Variants in UVRAG observed in about 807,000 individuals in gnomAD.
UVRAG encodes UV radiation resistance associated, also known as UV radiation resistance-associated gene protein.
A neutral mutation model predicts 78.0 loss-of-function variants in UVRAG; 19 were observed. The ratio of observed to expected loss-of-function variants is 0.24; its 90% CI spans 0.17 to 0.36. UVRAG has a LOEUF of 0.36. Ranked by LOEUF, UVRAG falls within the 10% of genes least tolerant of loss-of-function variation. The pLI is 1.00. For synonymous variants in UVRAG, 323 were observed against 324.6 expected, an observed-to-expected ratio of 1.00 and a Z score of 0.05; for missense variants, 740 against 853.8, an observed-to-expected ratio of 0.87 and a Z score of 1.66.
intron 14 of UVRAG, among the ~76,000 whole-genome samples, chr11:76,132,119 A>G (rs1051099516): frequency 6.6e-5 from 10 of 152,204 alleles, no homozygotes; most frequent in Non-Finnish European, 1.3e-4. Flanking sequence ...TAAGAAGGTG[A>G]GAAACTATTA....
intron 8 of UVRAG, among the ~76,000 whole-genome samples, chr11:76,001,046 G>T (rs964913861): frequency 1.3e-5 from 2 of 152,150 alleles, no homozygotes; most frequent in African/African-American, 4.8e-5. Context: ...AGCAGAATCT[G>T]CATTTCTTTC....
intron 6 of UVRAG, among the ~76,000 whole-genome samples, chr11:75,927,432 T>C (rs571543247): frequency 6.7e-4 from 102 of 152,292 alleles, no homozygotes; most frequent in African/African-American, 2.4e-3. Flanking sequence ...TAGAATATAA[T>C]GATAGCTATG....
intron 6 of UVRAG, 37 bp downstream of exon 6, chr11:75,912,076 ATCTT>A: frequency 2.8e-6 from 4 of 1,421,544 alleles, no homozygotes; most frequent in Non-Finnish European, 4.0e-6. Context: ...ATTCTAAAGA[ATCTT>A]TCTCATTTTG....
intron 14 of UVRAG, among the ~76,000 whole-genome samples, chr11:76,127,766 G>C (rs1232005713): frequency 6.6e-6 from 1 of 152,144 alleles, no homozygotes; most frequent in Admixed American, 6.5e-5. Context: ...AGACCAGCCT[G>C]ACCAACATGG....
chr11:75,892,567 C>T (rs1229370072), intron 5 of UVRAG, among the ~76,000 whole-genome samples: 2 of 152,108 alleles, frequency 1.3e-5, no homozygotes, highest in Admixed American at 1.3e-4. Context: ...TACGCAGCTC[C>T]CTGAGTAGCA....
chr11:75,857,488 T>TC (rs370170667), intron 2 of UVRAG, among the ~76,000 whole-genome samples: 170 of 148,604 alleles, frequency 1.1e-3, no homozygotes, highest in East Asian at 3.0e-3. Context: ...TCTTTCTTTT[T>TC]CCCCCCCCCT....
At chr11:75,840,045 C>T (rs11236555) in intron 1 of UVRAG, among the ~76,000 whole-genome samples, 29,199 of 151,944 alleles carry the variant, frequency 0.19, 4,302 homozygotes, top group African/African-American at 0.41. Flanking sequence ...TATTACTCAA[C>T]ATCTGGACCT....
At chr11:75,897,537 A>T (rs1947368281) in intron 5 of UVRAG, among the ~76,000 whole-genome samples, 1 of 152,024 alleles carries the variant, frequency 6.6e-6, no homozygotes, top group Non-Finnish European at 1.5e-5. Context: ...TATTATTATT[A>T]TTTTTGAGAT....
At chr11:75,970,255 A>T (rs1949098508) in intron 7 of UVRAG, among the ~76,000 whole-genome samples, 1 of 152,220 alleles carries the variant, frequency 6.6e-6, no homozygotes, top group African/African-American at 2.4e-5. Flanking sequence ...AAGTTTAAGC[A>T]ATGGTTTGAT....
At chr11:76,128,007 T>C (rs763178650) in intron 14 of UVRAG, among the ~76,000 whole-genome samples, 3 of 150,174 alleles carry the variant, frequency 2.0e-5, no homozygotes, top group African/African-American at 4.9e-5. Context: ...CATACTTAAA[T>C]GAATTGGAGA....
chr11:75,912,580 T>A (rs1332570742), intron 6 of UVRAG, among the ~76,000 whole-genome samples: 1 of 152,226 alleles, frequency 6.6e-6, no homozygotes, highest in African/African-American at 2.4e-5. Flanking sequence ...ATTTTAAATG[T>A]GATAGATCAT....
intron 6 of UVRAG, among the ~76,000 whole-genome samples, chr11:75,939,805 C>T (rs996813333): frequency 6.6e-6 from 1 of 152,094 alleles, no homozygotes; most frequent in African/African-American, 2.4e-5. Flanking sequence ...ATTATAATTA[C>T]TAGTATGCTG....
chr11:75,970,058 A>G (rs1054727431), intron 7 of UVRAG, among the ~76,000 whole-genome samples: 2 of 152,234 alleles, frequency 1.3e-5, no homozygotes, highest in Non-Finnish European at 2.9e-5. Flanking sequence ...TTTATGTCAT[A>G]AAAAATGATG....
At chr11:76,040,919 CAAG>C (rs1212216021) in intron 12 of UVRAG, among the ~76,000 whole-genome samples, 1 of 152,040 alleles carries the variant, frequency 6.6e-6, no homozygotes, top group African/African-American at 2.4e-5. Context: ...AATCAGCAGA[CAAG>C]GAGGGTTTGG....
At chr11:75,928,881 G>T (rs970786629) in intron 6 of UVRAG, among the ~76,000 whole-genome samples, 6 of 132,010 alleles carry the variant, frequency 4.5e-5, no homozygotes, top group Admixed American at 9.3e-5. Context: ...AGCAGAGCTT[G>T]CAGTGAGCTG....
intron 13 of UVRAG, among the ~76,000 whole-genome samples, chr11:76,076,437 C>T (rs1222849919): frequency 6.6e-6 from 1 of 152,158 alleles, no homozygotes; most frequent in Non-Finnish European, 1.5e-5. Flanking sequence ...GATCTCACAT[C>T]AGATCTTGTG....
chr11:76,089,670 A>G (rs1415679259), intron 13 of UVRAG, among the ~76,000 whole-genome samples: 1 of 152,182 alleles, frequency 6.6e-6, no homozygotes, highest in Non-Finnish European at 1.5e-5. Context: ...GAGAAACAGT[A>G]TTTCTGCTTG....
chr11:75,825,681 T>C (rs957090444), intron 1 of UVRAG, among the ~76,000 whole-genome samples: 2 of 152,172 alleles, frequency 1.3e-5, no homozygotes, highest in African/African-American at 4.8e-5. Flanking sequence ...GCCACAGACT[T>C]GTTCTAGCTA....
intron 1 of UVRAG, chr11:75,838,797 G>A (rs952006307): frequency 5.9e-5 from 9 of 152,340 alleles, no homozygotes; most frequent in African/African-American, 2.2e-4. Flanking sequence ...GGGTCTTTAA[G>A]AGGTGATACC....
Sources: gnomAD v4.1 joint callset for allele counts (sites outside exome capture counted in the v4.1 genomes callset) on GRCh38, gnomAD v4.1.1 for gene constraint, MANE v1.5 for transcripts, NCBI Gene and HGNC (gene_info 2026-07-23, HGNC 2026-07-21) for gene names.